Variants in CEP135 observed in about 807,000 individuals in gnomAD.
The protein encoded by CEP135 is centrosomal protein of 135 kDa.
In CEP135, 142 loss-of-function variants were observed where a neutral mutation model predicts 157.3. The ratio of observed to expected loss-of-function variants is 0.90; its 90% CI spans 0.79 to 1.04. CEP135 has a LOEUF of 1.04. CEP135 is among the 50% of genes least tolerant of loss of function. The probability of loss-of-function intolerance (pLI) is 0.00; values close to 1 mark genes in which losing one functional copy is unlikely to be tolerated. For synonymous variants in CEP135, 396 were observed against 439.8 expected (o/e 0.90, Z 1.25); for missense variants, 1,317 against 1,309.2 (o/e 1.01, Z -0.09).
intron 1 of CEP135, among the ~76,000 whole-genome samples, chr4:55,949,281 T>G (rs1398198592): frequency 6.6e-6 from 1 of 152,142 alleles, no homozygotes; most frequent in Non-Finnish European, 1.5e-5. Flanking sequence ...ACGGTAAAGT[T>G]GCAAACCGGA....
Position 55,981,381 on chromosome 4 carries a change from TAAG to T in CEP135, c.1779+7_1779+9del, listed in dbSNP as rs1370715949. The T allele has an allele frequency of 6.4e-7, 1 of 1,567,362 alleles. No homozygotes were observed. The highest frequency in any genetic ancestry group is 1.4e-5 in the African/African-American group (1 of 71,408). ...GAAGCTTTAAGAGAAAAATTAGAGGTAAGAAGATTGACATGTTTTTGAAAGGTA... is the reference window on the plus strand; with the variant it reads ...GAAGCTTTAAGAGAAAAATTAGAGGTAAGATTGACATGTTTTTGAAAGGTA... On this transcript the variant is annotated splice_donor_5th_base_variant and intron_variant, in intron 13 of 25. Transcript: ENST00000257287.
In CEP135 at chr4:55,952,223, T is replaced by G. The variant is rs1260327532; in HGVS notation, c.93T>G (p.Pro31=). 1.2e-6 allele frequency: 2 copies of G among 1,611,392 alleles called. No individual in the cohort carries two copies. Among genetic ancestry groups the G allele is most frequent in the South Asian group, 2.2e-5 (2 of 90,966 alleles). ...YRQTLTVECL[P]LVEKLFSDLV... is the part of the protein sequence containing the mutation. ...AGACTCTGACAGTGGAGTGTTTACC[T>G]TTGGTAGAAAAACTTTTCAGGTAAA... Residue 31 remains proline (P), a synonymous_variant, in exon 2 of 26, where the codon CCT becomes CCG. Transcript: ENST00000257287.
intron 19 of CEP135, among the ~76,000 whole-genome samples, chr4:56,010,841 T>C (rs1560421325): frequency 1.3e-5 from 2 of 152,188 alleles, no homozygotes; most frequent in Non-Finnish European, 2.9e-5. Context: ...AATATGAATG[T>C]TTTTTAATGT....
intron 10 of CEP135, among the ~76,000 whole-genome samples, chr4:55,972,323 G>A (rs1211941170): frequency 1.3e-5 from 2 of 152,068 alleles, no homozygotes; most frequent in Non-Finnish European, 1.5e-5. Context: ...ACAAACTAAT[G>A]GCACATAAAT....
At chr4:55,981,992 C>G (rs1297355112) in intron 13 of CEP135, among the ~76,000 whole-genome samples, 1 of 152,092 alleles carries the variant, frequency 6.6e-6, no homozygotes, top group African/African-American at 2.4e-5. Flanking sequence ...ATAACAAAGT[C>G]AAAAATGTAA....
At chr4:56,005,041 A>T (rs1730308745) in intron 17 of CEP135, among the ~76,000 whole-genome samples, 1 of 148,604 alleles carries the variant, frequency 6.7e-6, no homozygotes. Context: ...TGTTTTAATT[A>T]ATTGCTTTTT....
At chr4:55,971,980 G>A (rs551228632) in intron 10 of CEP135, among the ~76,000 whole-genome samples, 3 of 152,022 alleles carry the variant, frequency 2.0e-5, no homozygotes, top group South Asian at 2.1e-4. Flanking sequence ...GTGAAACCCC[G>A]TCTCCACTAA....
chr4:55,999,690 GTT>G, intron 17 of CEP135, 45 bp downstream of exon 17: 1 of 1,551,898 alleles, frequency 6.4e-7, no homozygotes, highest in Non-Finnish European at 8.6e-7. Context: ...AAACAGAACA[GTT>G]TTTTTTGTTT....
chr4:55,998,408 C>A (rs1447622018), intron 15 of CEP135, among the ~76,000 whole-genome samples: 1 of 152,182 alleles, frequency 6.6e-6, no homozygotes, highest in Non-Finnish European at 1.5e-5. Context: ...TAACAGATTT[C>A]TCTGAAATCA....
chr4:56,017,749 A>G lies in CEP135; in HGVS notation c.2904A>G (p.Ala968=). The stretch of plus-strand genomic sequence containing the variant: ...TGAGACATCAAGAAGATGAGAAAGC[A>G]ACAGTATTAAATGACTTGTCATCTC... ...EELRHQEDEK[A]TVLNDLSSLR... is the part of the protein sequence containing the mutation. The change falls in exon 22 of 26, where the codon GCA becomes GCG. Residue 968 remains alanine (A), a synonymous_variant. Transcript: ENST00000257287. The G allele has an allele frequency of 6.2e-7, 1 of 1,614,042 alleles. No individual in the cohort carries two copies. Among genetic ancestry groups the G allele is most frequent in the Non-Finnish European group, 8.5e-7 (1 of 1,180,000 alleles).
At chr4:55,993,533 C>CT (rs1729865362) in intron 15 of CEP135, among the ~76,000 whole-genome samples, 1 of 152,160 alleles carries the variant, frequency 6.6e-6, no homozygotes, top group East Asian at 1.9e-4. Flanking sequence ...TTTTTCTTTG[C>CT]TTTTTTCTGT....
intron 6 of CEP135, among the ~76,000 whole-genome samples, chr4:55,963,372 A>G (rs1728743240): frequency 6.6e-6 from 1 of 152,028 alleles, no homozygotes; most frequent in Non-Finnish European, 1.5e-5. Context: ...AGTCATACCA[A>G]GCTATTTCTG....
intron 10 of CEP135, among the ~76,000 whole-genome samples, chr4:55,973,894 A>C (rs1729106846): frequency 6.6e-6 from 1 of 152,140 alleles, no homozygotes; most frequent in Non-Finnish European, 1.5e-5. Flanking sequence ...GCTGCTTTTC[A>C]TTCATTTGCT....
intron 15 of CEP135, among the ~76,000 whole-genome samples, chr4:55,994,013 CT>C (rs1729880496): frequency 6.6e-6 from 1 of 152,098 alleles, no homozygotes; most frequent in South Asian, 2.1e-4. Flanking sequence ...CTTATCTTGT[CT>C]CTTAGGAAAG....
At chr4:55,974,585 C>G (rs1729130806) in intron 10 of CEP135, among the ~76,000 whole-genome samples, 161 bp from the exon 11 acceptor site, 1 of 152,030 alleles carries the variant, frequency 6.6e-6, no homozygotes, top group South Asian at 2.1e-4. Flanking sequence ...TCTTTCCTCT[C>G]AATATTTACC....
At chr4:56,007,193 C>A (rs1730377500) in intron 17 of CEP135, among the ~76,000 whole-genome samples, 2 of 152,194 alleles carry the variant, frequency 1.3e-5, no homozygotes, top group Non-Finnish European at 1.5e-5. Context: ...CACACCCAGC[C>A]TGGCTTGTTT....
chr4:56,026,351 C>T (rs1018260085), intron 25 of CEP135, among the ~76,000 whole-genome samples: 2 of 152,288 alleles, frequency 1.3e-5, no homozygotes, highest in South Asian at 2.1e-4. Context: ...TTCTCTTTGG[C>T]GTCAGTCATA....
intron 6 of CEP135, among the ~76,000 whole-genome samples, chr4:55,961,524 G>A (rs952089526): frequency 2.6e-5 from 4 of 152,020 alleles, no homozygotes; most frequent in African/African-American, 9.7e-5. Flanking sequence ...CAGCACTTGG[G>A]AAGGCTGAGG....
chr4:55,974,623 G>A (rs113414934), intron 10 of CEP135, 123 bp from the exon 11 acceptor site: 10 of 692,882 alleles, frequency 1.4e-5, no homozygotes, highest in African/African-American at 9.1e-5. Flanking sequence ...ACCTACAGGT[G>A]TTATGTAGAA....
Sources: allele counts gnomAD v4.1 joint callset (sites outside exome capture counted in the v4.1 genomes callset), GRCh38; gene constraint gnomAD v4.1.1; transcripts MANE v1.5; gene names NCBI Gene and HGNC (gene_info 2026-07-23, HGNC 2026-07-21).